Variants in PREX2 observed in about 807,000 individuals in gnomAD.
The protein encoded by PREX2 is phosphatidylinositol 3,4,5-trisphosphate-dependent Rac exchanger 2 protein.
In PREX2, 107 loss-of-function variants were observed where a neutral mutation model predicts 203.2. The observed-to-expected ratio is 0.53, with a 90% confidence interval of 0.45 to 0.62. The LOEUF (loss-of-function observed/expected upper bound fraction) is 0.62, where lower values mean the gene tolerates loss of function less well. Ranked by LOEUF, PREX2 falls within the 20% of genes least tolerant of loss-of-function variation. The pLI is 0.00. For missense variants in PREX2, 1,777 were observed against 1,955.9 expected (o/e 0.91, Z 1.72); for synonymous variants, 672 against 663.6 (o/e 1.01, Z -0.19).
chr8:68,107,007 A>G (rs995781078), intron 23 of PREX2, among the ~76,000 whole-genome samples: 1 of 152,108 alleles, frequency 6.6e-6, no homozygotes, highest in Non-Finnish European at 1.5e-5. Context: ...ACTCTTACTG[A>G]TGGTACACAG....
rs143546625 is a variant in PREX2 at position 68,180,727 on chromosome 8, T to A, written c.4347-10995T>A. Among the ~76,000 whole-genome samples the A allele has an allele frequency of 2.5e-3, 374 of 152,238 alleles. 5 individuals are homozygous for A. Among genetic ancestry groups the A allele is most frequent in the African/African-American group, 8.3e-3 (346 of 41,548 alleles). On this transcript the variant is annotated intron_variant, in intron 35 of 39. Transcript: ENST00000288368. Reference sequence around the variant, plus strand: ...CTACATTTAAGAAGAGATTCAGGACTTGATATCTAGAAAGTATCCACTGGA... The same window carrying A: ...CTACATTTAAGAAGAGATTCAGGACATGATATCTAGAAAGTATCCACTGGA...
intron 1 of PREX2, among the ~76,000 whole-genome samples, chr8:67,983,291 G>A (rs75942294): frequency 3.1e-5 from 3 of 97,284 alleles, no homozygotes; most frequent in Admixed American, 1.3e-4. Flanking sequence ...GCCCCACAAG[G>A]CATTCATGAA....
In PREX2 at chr8:68,234,829, A is replaced by G. The variant is rs1047411008; in HGVS notation, c.*3451A>G. ...AATTAGGTAAACTTTTTATGATACT[A>G]TAATATATATGACGTTGAAATGACA... On this transcript the variant is annotated 3_prime_UTR_variant, in exon 40 of 40. Transcript: ENST00000288368. 1 of 152,130 alleles carries G rather than the reference A, an allele frequency of 6.6e-6. No homozygotes were observed. Among genetic ancestry groups the G allele is most frequent in the Non-Finnish European group, 1.5e-5 (1 of 68,026 alleles). 9.4% of individuals were successfully genotyped at this position (152,130 alleles called of 1,614,324 possible).
At chr8:68,150,899 C>T (rs886270753) in intron 34 of PREX2, among the ~76,000 whole-genome samples, 9 of 152,130 alleles carry the variant, frequency 5.9e-5, no homozygotes, top group African/African-American at 2.2e-4. Flanking sequence ...CCTCTTTTGG[C>T]CTTTGGTGTC....
chr8:68,111,628 C>T (rs1268267350), intron 25 of PREX2, among the ~76,000 whole-genome samples: 1 of 152,124 alleles, frequency 6.6e-6, no homozygotes, highest in Non-Finnish European at 1.5e-5. Context: ...AAGTGGCACA[C>T]AGTGAGCAAA....
intron 34 of PREX2, 85 bp from the exon 35 acceptor site, chr8:68,157,237 T>G (rs1811559015): frequency 1.6e-6 from 1 of 613,104 alleles, no homozygotes; most frequent in African/African-American, 1.9e-5. Flanking sequence ...TTTGCTAAAT[T>G]TACTAATAAT....
chr8:68,223,829 T>C (rs1813005085), intron 38 of PREX2, among the ~76,000 whole-genome samples: 1 of 152,196 alleles, frequency 6.6e-6, no homozygotes, highest in South Asian at 2.1e-4. Context: ...AAAATTGCTT[T>C]AGAATTAGTT....
chr8:68,119,871 A>G (rs1006307147), intron 28 of PREX2, among the ~76,000 whole-genome samples: 1 of 152,084 alleles, frequency 6.6e-6, no homozygotes, highest in African/African-American at 2.4e-5. Flanking sequence ...CTTGGATGCT[A>G]ATTTTGTTGT....
intron 33 of PREX2, among the ~76,000 whole-genome samples, chr8:68,142,652 T>A (rs1685807960): frequency 6.6e-6 from 1 of 152,162 alleles, no homozygotes; most frequent in Non-Finnish European, 1.5e-5. Context: ...CCAAGGACCA[T>A]GATTCCTGGA....
In PREX2 at chr8:68,192,514, C is replaced by T. The variant is rs562309459; in HGVS notation, c.4593C>T (p.Ser1531=). ...LGACHIIMCS[S]GVHRCTLSVT... Reference sequence around the variant, plus strand: ...CCTGCCACATCATCATGTGCAGCAGCGGTGTGCATCGGTATGTGACCCTCC... The same window carrying T: ...CCTGCCACATCATCATGTGCAGCAGTGGTGTGCATCGGTATGTGACCCTCC... Residue 1531 remains serine, a synonymous_variant, in exon 37 of 40, where the codon AGC becomes AGT. Coordinates refer to ENST00000288368, the MANE Select transcript of PREX2 (RefSeq NM_024870.4). 2.6e-5 allele frequency: 42 copies of T among 1,609,862 alleles called. No individual in the cohort carries two copies. The highest frequency in any genetic ancestry group is 1.9e-4 in the Middle Eastern group (1 of 5,132).
chr8:68,117,901 C>G (rs1585807904), intron 26 of PREX2, among the ~76,000 whole-genome samples: 1 of 152,220 alleles, frequency 6.6e-6, no homozygotes, highest in Admixed American at 6.5e-5. Context: ...TATTTTGTCT[C>G]TATTAGCAAG....
At chr8:67,961,463 A>C (rs1184117929) in intron 1 of PREX2, among the ~76,000 whole-genome samples, 1 of 152,126 alleles carries the variant, frequency 6.6e-6, no homozygotes, top group African/African-American at 2.4e-5. Context: ...AAATTATATT[A>C]GCTATATTAA....
chr8:68,021,057 CTT>C lies in PREX2; in HGVS notation c.337-976_337-975del, dbSNP rs1807553406. ...TTTGTGTCTTTCTTTTATTGGTACTCTTTTGGTGATAAGGCACTTTGAGAAAA... is the reference window on the plus strand; with the variant it reads ...TTTGTGTCTTTCTTTTATTGGTACTCTTGGTGATAAGGCACTTTGAGAAAA... On this transcript the variant is annotated intron_variant, in intron 3 of 39. Coordinates refer to ENST00000288368, the MANE Select transcript of PREX2 (RefSeq NM_024870.4). Among the ~76,000 whole-genome samples the C allele has an allele frequency of 2.0e-5, 3 of 152,268 alleles. No individual in the cohort carries two copies. The South Asian group carries it at 6.2e-4, about 32-fold the overall frequency.
intron 6 of PREX2, among the ~76,000 whole-genome samples, chr8:68,031,178 T>G (rs887136061): frequency 2.0e-5 from 3 of 152,212 alleles, no homozygotes; most frequent in Non-Finnish European, 4.4e-5. Context: ...AAGGAAATTT[T>G]TTTATGCCAA....
At chr8:68,211,099 C>A (rs1337754869) in intron 37 of PREX2, among the ~76,000 whole-genome samples, 1 of 152,160 alleles carries the variant, frequency 6.6e-6, no homozygotes, top group African/African-American at 2.4e-5. Context: ...ACATGCTTTT[C>A]CTGACCTTCC....
chr8:68,007,186 T>C (rs1185926639), intron 1 of PREX2, among the ~76,000 whole-genome samples: 1 of 152,232 alleles, frequency 6.6e-6, no homozygotes, highest in Non-Finnish European at 1.5e-5. Context: ...TATTTTTTCT[T>C]GATTTTTGAA....
chr8:68,172,896 C>T (rs1194123606), intron 35 of PREX2, among the ~76,000 whole-genome samples: 1 of 152,162 alleles, frequency 6.6e-6, no homozygotes, highest in East Asian at 1.9e-4. Context: ...TGCTTCAGCT[C>T]CATTTCTATT....
chr8:68,177,894 G>A (rs763207011), intron 35 of PREX2, among the ~76,000 whole-genome samples: 1 of 152,104 alleles, frequency 6.6e-6, no homozygotes, highest in Non-Finnish European at 1.5e-5. Flanking sequence ...GCAGTGTTTG[G>A]TTTTCTGTTC....
At chr8:68,044,408 A>G in intron 7 of PREX2, 79 bp from the exon 8 acceptor site, 2 of 992,990 alleles carry the variant, frequency 2.0e-6, no homozygotes, top group Admixed American at 2.1e-5. Flanking sequence ...TTTTTCAAAG[A>G]ATTGCCTAAA....
Sources: allele counts gnomAD v4.1 joint callset (sites outside exome capture counted in the v4.1 genomes callset), GRCh38; gene constraint gnomAD v4.1.1; transcripts MANE v1.5; gene names NCBI Gene and HGNC (gene_info 2026-07-23, HGNC 2026-07-21).